The following KATNAL2 variants were observed in gnomAD, a reference collection of about 807,000 sequenced individuals.
KATNAL2 encodes the protein katanin catalytic subunit A1 like 2.
A neutral mutation model predicts 76.3 loss-of-function variants in KATNAL2; 52 were observed. The ratio of observed to expected loss-of-function variants is 0.68; its 90% CI spans 0.55 to 0.86. The LOEUF (loss-of-function observed/expected upper bound fraction) is 0.86. Among genes scored for constraint, KATNAL2 ranks in the 40% least tolerant of loss-of-function variants. KATNAL2 has a pLI of 0.00. For missense variants in KATNAL2, 660 were observed against 668.9 expected (o/e 0.99, Z 0.15); for synonymous variants, 243 against 244.2 (o/e 1.00, Z 0.05).
chr18:47,059,585 T>A lies in KATNAL2; in HGVS notation c.480T>A (p.Ser160Arg). The change falls in exon 8 of 18, where the codon AGT becomes AGA. Residue 160 changes from serine (S) to arginine (R), a missense_variant. By Grantham distance (110) the Ser-to-Arg change is moderately radical. Transcript: ENST00000683218. ...QEVVDNTRLE[S>R]ANFGLHISRI... ...TAGTTGATAACACTCGCCTGGAAAG[T>A]GCCAACTTCGGCCTACATATATCAA... The A allele has an allele frequency of 6.2e-7, 1 of 1,613,530 alleles. No individual in the cohort carries two copies. The highest frequency in any genetic ancestry group is 1.1e-5 in the South Asian group (1 of 91,058).
intron 15 of KATNAL2, among the ~76,000 whole-genome samples, chr18:47,087,328 G>T (rs2062817760): frequency 6.6e-6 from 1 of 152,140 alleles, no homozygotes; most frequent in African/African-American, 2.4e-5. Context: ...ACTGGATAAA[G>T]AAAATGTGGT....
At chr18:46,960,085 T>C (rs2059890185) in intron 3 of KATNAL2, among the ~76,000 whole-genome samples, 1 of 152,030 alleles carries the variant, frequency 6.6e-6, no homozygotes. Context: ...ACAACGTAAT[T>C]ATGAGAGAAG....
At chr18:47,084,370 C>A (rs2062669991) in intron 15 of KATNAL2, 1 of 702,784 alleles carries the variant, frequency 1.4e-6, no homozygotes, top group African/African-American at 1.7e-5. Context: ...AGAAGCTGTC[C>A]TCCCTGCCTG....
chr18:47,067,233 A>G, intron 11 of KATNAL2, 114 bp downstream of exon 11: 1 of 459,424 alleles, frequency 2.2e-6, no homozygotes, highest in South Asian at 4.9e-5. Context: ...CCACACGTTA[A>G]CTCTTTGCTT....
chr18:47,083,624 C>A (rs1210969107), intron 15 of KATNAL2, among the ~76,000 whole-genome samples: 1 of 152,130 alleles, frequency 6.6e-6, no homozygotes, highest in Non-Finnish European at 1.5e-5. Context: ...CAGAGAGGAC[C>A]AGAAGAAAGA....
chr18:46,940,535 C>A (rs1568994765), intron 1 of KATNAL2, among the ~76,000 whole-genome samples: 1 of 152,040 alleles, frequency 6.6e-6, no homozygotes. Flanking sequence ...TCAGAGATGG[C>A]TTGTAGTTGA....
intron 3 of KATNAL2, among the ~76,000 whole-genome samples, chr18:47,031,269 T>C (rs1306847792): frequency 6.6e-6 from 1 of 151,938 alleles, no homozygotes; most frequent in Admixed American, 6.6e-5. Context: ...TGCCACGGTT[T>C]GGGCAGCGGA....
At chr18:47,031,299 G>A (rs114107537) in intron 3 of KATNAL2, among the ~76,000 whole-genome samples, 1 of 152,020 alleles carries the variant, frequency 6.6e-6, no homozygotes, top group African/African-American at 2.4e-5. Flanking sequence ...TTACCTTTCA[G>A]TCCGAATGAG....
chr18:47,062,007 C>A (rs2061648832), intron 8 of KATNAL2, among the ~76,000 whole-genome samples: 1 of 151,982 alleles, frequency 6.6e-6, no homozygotes, highest in Admixed American at 6.6e-5. Flanking sequence ...TGGCCCTGGG[C>A]AAATTACTTA....
At chr18:47,034,059 A>C (rs572912705) in intron 3 of KATNAL2, 1 of 1,614,216 alleles carries the variant, frequency 6.2e-7, no homozygotes, top group South Asian at 1.1e-5. Context: ...CAGTGGTGGC[A>C]GATTTTCCAG....
At chr18:47,033,594 A>G (rs140400021) in intron 3 of KATNAL2, 8 of 1,614,042 alleles carry the variant, frequency 5.0e-6, no homozygotes, top group Admixed American at 1.7e-5. Flanking sequence ...CTTCCAGAAC[A>G]GGTTCAAGAA....
intron 1 of KATNAL2, among the ~76,000 whole-genome samples, chr18:46,944,901 T>C (rs1312816936): frequency 6.6e-6 from 1 of 152,134 alleles, no homozygotes; most frequent in Non-Finnish European, 1.5e-5. Flanking sequence ...CACTCCAGCC[T>C]GGGCAACAGA....
chr18:47,084,917 G>C (rs940698096), intron 15 of KATNAL2, among the ~76,000 whole-genome samples: 1 of 128,610 alleles, frequency 7.8e-6, no homozygotes, highest in Non-Finnish European at 1.6e-5. Flanking sequence ...CCTGAGTCTA[G>C]AATCTGGAAT....
chr18:47,057,310 C>T (rs1266698318), intron 6 of KATNAL2, among the ~76,000 whole-genome samples: 2 of 152,222 alleles, frequency 1.3e-5, no homozygotes, highest in African/African-American at 4.8e-5. Context: ...AGTTCATGTT[C>T]TGCCCCCACA....
intron 3 of KATNAL2, among the ~76,000 whole-genome samples, chr18:46,961,590 T>A (rs1238451896): frequency 6.6e-6 from 1 of 152,218 alleles, no homozygotes; most frequent in Non-Finnish European, 1.5e-5. Flanking sequence ...CTGAAAGACA[T>A]TTTTCAAATA....
At chr18:46,924,266 A>G (rs1196289295) in intron 1 of KATNAL2, among the ~76,000 whole-genome samples, 1 of 152,200 alleles carries the variant, frequency 6.6e-6, no homozygotes, top group Non-Finnish European at 1.5e-5. Flanking sequence ...GGTGTAAGGG[A>G]GGGATCCAGT....
At chr18:46,922,567 G>T (rs896626473) in intron 1 of KATNAL2, among the ~76,000 whole-genome samples, 1 of 152,074 alleles carries the variant, frequency 6.6e-6, no homozygotes, top group East Asian at 1.9e-4. Flanking sequence ...GCTGAGGTGG[G>T]TGGATCGCCT....
chr18:47,075,424 C>G, intron 14 of KATNAL2, 56 bp downstream of exon 14: 1 of 1,279,184 alleles, frequency 7.8e-7, no homozygotes, highest in East Asian at 3.0e-5. Context: ...GGCTTCTCCC[C>G]TCTTGTGTGT....
At chr18:47,040,823 C>T (rs1295589843) in intron 3 of KATNAL2, among the ~76,000 whole-genome samples, 1 of 152,026 alleles carries the variant, frequency 6.6e-6, no homozygotes, top group Admixed American at 6.5e-5. Context: ...GTTTTTTTCT[C>T]ATGGTTTTAT....
Sources: gnomAD v4.1 joint callset for allele counts (sites outside exome capture counted in the v4.1 genomes callset) on GRCh38, gnomAD v4.1.1 for gene constraint, MANE v1.5 for transcripts, NCBI Gene and HGNC (gene_info 2026-07-23, HGNC 2026-07-21) for gene names.